Variants in HEATR9 observed in about 807,000 individuals in gnomAD.
HEATR9 encodes HEAT repeat containing 9, also known as protein HEATR9.
A neutral mutation model predicts 68.2 loss-of-function variants in HEATR9; 54 were observed. That is an observed-to-expected ratio of 0.79 (90% confidence interval 0.64 to 0.99). HEATR9 has a LOEUF of 0.99. HEATR9 is among the 50% of genes least tolerant of loss of function. The pLI, the probability that HEATR9 is intolerant of heterozygous loss-of-function variation, is 0.00. For missense variants in HEATR9, 662 were observed against 679.7 expected (o/e 0.97, Z 0.29); for synonymous variants, 241 against 253.5 (o/e 0.95, Z 0.47).
In HEATR9 at chr17:35,858,511, C is replaced by G. The variant is rs377679199; in HGVS notation, c.954G>C (p.Leu318=). The G allele has an allele frequency of 1.2e-6, 2 of 1,610,786 alleles. No homozygotes were observed. The highest frequency in any genetic ancestry group is 1.4e-5 in the African/African-American group (1 of 72,932). Residue 318 remains leucine (L), a synonymous_variant, in exon 10 of 15, where the codon CTG becomes CTC. Transcript: ENST00000604834. ...CTGAGTGCACGTGCATCACCTTGAC[C>G]AGCATCCTAAGTGCCTATGAGGGGG... ...KTQRMKALRM[L]VKVMHVHSAP... is the part of the protein sequence containing the mutation.
chr17:35,866,276 CA>C (rs2088196137), intron 2 of HEATR9, among the ~76,000 whole-genome samples: 3 of 150,356 alleles, frequency 2.0e-5, no homozygotes, highest in South Asian at 2.1e-4. Flanking sequence ...CAAAAAAATA[CA>C]AGGATGTCAA....
intron 7 of HEATR9, among the ~76,000 whole-genome samples, 180 bp from the exon 8 acceptor site, chr17:35,863,305 C>T (rs1437612044): frequency 6.6e-6 from 1 of 152,160 alleles, no homozygotes; most frequent in Non-Finnish European, 1.5e-5. Context: ...TCCAAGAGCC[C>T]TCCCTCTCCC....
At position 35,855,765 on chromosome 17, in the gene HEATR9, G is replaced by A. The variant is rs748471126; in HGVS notation, c.1279-15C>T. On this transcript the variant is annotated splice_polypyrimidine_tract_variant and intron_variant, in intron 13 of 14. Transcript: ENST00000604834. The stretch of plus-strand genomic sequence containing the variant: ...CCCAGGACACCCTGGCAGAGGCAGA[G>A]TGAGAGTGCCTATGTAGCCAGCCCC... 4 of 1,609,798 alleles carry A rather than the reference G, an allele frequency of 2.5e-6. No individual in the cohort carries two copies. The highest frequency in any genetic ancestry group is 3.3e-5 in the Admixed American group (2 of 60,000).
In HEATR9 at chr17:35,865,343, G is replaced by T. The variant is rs1037945023; in HGVS notation, c.192C>A (p.Ser64Arg). 1 of 1,613,858 alleles carries T rather than the reference G, an allele frequency of 6.2e-7. No homozygotes were observed. The highest frequency in any genetic ancestry group is 1.3e-5 in the African/African-American group (1 of 74,962). Residue 64 changes from serine (S) to arginine (R), a missense_variant, in exon 3 of 15, where the codon AGC (serine) becomes AGA (arginine). Coordinates refer to ENST00000604834, the MANE Select transcript of HEATR9 (RefSeq NM_152781.4). ...PSPECWRQHP[S>R]KPNSVPYCYF... ...AGCAGTACGGGACTGAGTTTGGCTTGCTCGGATGCTGCCTCCAGCACTCTG... is the reference window on the plus strand; with the variant it reads ...AGCAGTACGGGACTGAGTTTGGCTTTCTCGGATGCTGCCTCCAGCACTCTG...
At chr17:35,861,862 G>T (rs1472512911) in intron 8 of HEATR9, among the ~76,000 whole-genome samples, 3 of 150,590 alleles carry the variant, frequency 2.0e-5, no homozygotes, top group South Asian at 2.1e-4. Context: ...TCTTTTTCTT[G>T]GTTTTTTTTT....
chr17:35,858,771 C>A, intron 9 of HEATR9, 117 bp downstream of exon 9: 1 of 1,167,380 alleles, frequency 8.6e-7, no homozygotes, highest in South Asian at 1.4e-5. Flanking sequence ...TGGACATAGT[C>A]ATAAGCACAC....
rs182779793 is a variant in HEATR9, at chr17:35,868,841, C to G, written c.-99G>C. On this transcript the variant is annotated 5_prime_UTR_variant, in exon 1 of 15. Transcript: ENST00000604834. ...TGGAGGAGACCTGTCCTCTGTGGTA[C>G]GAGAGGTACAGGGGAGGTGTCTGGA... 2.8e-6 allele frequency: 3 copies of G among 1,055,910 alleles called. No homozygotes were observed. The highest frequency in any genetic ancestry group is 2.4e-5 in the East Asian group (1 of 41,388). The allele number at this position is 1,055,910 out of a possible 1,614,324, so 65.4% of individuals were successfully genotyped here.
chr17:35,857,666 G>A (rs561396561), intron 11 of HEATR9, among the ~76,000 whole-genome samples: 135 of 152,174 alleles, frequency 8.9e-4, no homozygotes, highest in African/African-American at 2.9e-3. Flanking sequence ...GGCTGAGGCA[G>A]GAGAATGGCG....
chr17:35,864,729 C>T, intron 4 of HEATR9, 29 bp downstream of exon 4: 8 of 1,612,906 alleles, frequency 5.0e-6, no homozygotes, highest in Non-Finnish European at 6.8e-6. Flanking sequence ...GGAGGGAGTC[C>T]CCCACGTCCT....
chr17:35,868,585 G>A, intron 1 of HEATR9, 70 bp downstream of exon 1: 2 of 1,605,554 alleles, frequency 1.2e-6, no homozygotes, highest in Non-Finnish European at 1.7e-6. Flanking sequence ...TTGCCTGGGA[G>A]TGAGAGCCAG....
At chr17:35,861,463 T>C (rs950620075) in intron 8 of HEATR9, 18 of 1,542,720 alleles carry the variant, frequency 1.2e-5, no homozygotes, top group Non-Finnish European at 1.5e-5. Flanking sequence ...TCTATGACAC[T>C]TAGATTTACA....
chr17:35,863,166 T>C, intron 7 of HEATR9, 41 bp from the exon 8 acceptor site: 2 of 1,610,576 alleles, frequency 1.2e-6, no homozygotes, highest in East Asian at 2.2e-5. Flanking sequence ...GAGCCTCTGG[T>C]ACTGCCCCTC....
chr17:35,856,616 C>T, intron 12 of HEATR9, 116 bp downstream of exon 12: 1 of 925,032 alleles, frequency 1.1e-6, no homozygotes, highest in Non-Finnish European at 1.7e-6. Context: ...ACCTGCTGCA[C>T]TGTAGGTTCT....
rs77979655 is a variant in HEATR9 at position 35,865,379 on chromosome 17, A to T, written c.156T>A (p.Phe52Leu). The change falls in exon 3 of 15, where the codon TTT becomes TTA. Residue 52 changes from phenylalanine (F) to leucine (L), a missense_variant. Coordinates refer to ENST00000604834, the MANE Select transcript of HEATR9 (RefSeq NM_152781.4). ...GCCTCCAGCACTCTGGACTTGGGGG[A>T]AACTCTTCCTTTGGCATCTGGGGGT... ...LSCYQMPKEE[F>L]PPSPECWRQH... The T allele has an allele frequency of 6.2e-4, 994 of 1,613,054 alleles. 2 individuals are homozygous for T. The African/African-American group carries it at 0.011, about 18-fold the overall frequency.
rs936429573 is a variant in HEATR9, at chr17:35,864,927, T to A, written c.321-37A>T. 2.5e-6 allele frequency: 4 copies of A among 1,613,966 alleles called. No homozygotes were observed. The African/African-American group carries it at 5.3e-5, about 22-fold the overall frequency. The stretch of plus-strand genomic sequence containing the variant: ...ATTGCATAGGCAGCTTTGGTCCCTT[T>A]GTACCTTCCCTCCTCAGGTTGCAAC... On this transcript the variant is annotated intron_variant, in intron 3 of 14. Transcript: ENST00000604834.
chr17:35,857,733 T>C (rs546429693), intron 11 of HEATR9, among the ~76,000 whole-genome samples: 1 of 151,958 alleles, frequency 6.6e-6, no homozygotes, highest in Admixed American at 6.6e-5. Context: ...CACTCCAGCC[T>C]GGGCAACAGA....
chr17:35,864,247 A>C lies in HEATR9; in HGVS notation c.566T>G (p.Val189Gly). Residue 189 changes from valine to glycine, a missense_variant and splice_region_variant, in exon 6 of 15, where the codon GTG becomes GGG. Physicochemically the swap from Val to Gly is moderately radical, Grantham distance 109. Coordinates refer to ENST00000604834, the MANE Select transcript of HEATR9 (RefSeq NM_152781.4). ...DKFVMEALQQ[V>G]AQTGPEKVKY... ...AACTCCAGCAGTTCTCAGACTCACC[A>C]CCTGCTGTAGTGCCTCCATGACAAA... The C allele has an allele frequency of 6.2e-7, 1 of 1,610,088 alleles. No individual in the cohort carries two copies. The highest frequency in any genetic ancestry group is 1.1e-5 in the South Asian group (1 of 90,992).
chr17:35,861,308 T>C (rs2087982807), intron 8 of HEATR9: 3 of 1,397,290 alleles, frequency 2.1e-6, no homozygotes, highest in Non-Finnish European at 3.0e-6. Flanking sequence ...ATAGTTTTAT[T>C]CCATAGCTCT....
Position 35,860,458 on chromosome 17 carries a change from A to C in HEATR9, c.757-1388T>G, listed in dbSNP as rs371376852. Among the ~76,000 whole-genome samples, 9 of 128,598 alleles carry C rather than the reference A, an allele frequency of 7.0e-5. No individual in the cohort carries two copies. In the East Asian group the frequency reaches 9.5e-4, roughly 14 times the overall value. The allele number at this position is 128,598 out of a possible 152,430, so 84.4% of individuals were successfully genotyped here. A position where few individuals can be genotyped will look rare whatever the true frequency, so the allele number is the denominator to read the frequency against. On this transcript the variant is annotated intron_variant, in intron 8 of 14. Coordinates refer to ENST00000604834, the MANE Select transcript of HEATR9 (RefSeq NM_152781.4). Reference sequence around the variant, plus strand: ...CTCTTCAAAGTCCTTATTTTTATTTATTTATTTATTTATTTATTTATTTTA... The same window carrying C: ...CTCTTCAAAGTCCTTATTTTTATTTCTTTATTTATTTATTTATTTATTTTA...
Sources: allele counts gnomAD v4.1 joint callset (sites outside exome capture counted in the v4.1 genomes callset), GRCh38; gene constraint gnomAD v4.1.1; transcripts MANE v1.5; gene names NCBI Gene and HGNC (gene_info 2026-07-23, HGNC 2026-07-21).